CFI: variants seen among roughly 807,000 people sequenced by gnomAD.
The protein encoded by CFI is complement factor I.
In CFI, 66 loss-of-function variants were observed where a neutral mutation model predicts 78.8. The observed-to-expected ratio is 0.84, with a 90% CI of 0.69 to 1.03. CFI has a LOEUF of 1.03. Ranked by LOEUF, CFI falls within the 50% of genes least tolerant of loss-of-function variation. The probability of loss-of-function intolerance (pLI) is 0.00; values close to 1 mark genes in which losing one functional copy is unlikely to be tolerated. For missense variants in CFI, 706 were observed against 704.5 expected, an observed-to-expected ratio of 1.00 and a Z score of -0.02; for synonymous variants, 250 against 232.6, an observed-to-expected ratio of 1.07 and a Z score of -0.68.
chr4:109,739,575 C>T (rs1723589205), downstream of CFI, among the ~76,000 whole-genome samples: 1 of 152,012 alleles, frequency 6.6e-6, no homozygotes, highest in African/African-American at 2.4e-5. Flanking sequence ...GAAAGTGCAA[C>T]TGTTGAGTTT....
intron 1 of CFI, among the ~76,000 whole-genome samples, chr4:109,784,168 C>T (rs181468697): frequency 2.2e-4 from 34 of 151,604 alleles, no homozygotes; most frequent in African/African-American, 7.7e-4. Context: ...CCACCTGTAC[C>T]CTAATAACTA....
At chr4:109,757,712 T>A in intron 7 of CFI, 51 bp downstream of exon 7, 2 of 1,182,254 alleles carry the variant, frequency 1.7e-6, no homozygotes, top group Non-Finnish European at 2.5e-6. Flanking sequence ...CCAAAGAACC[T>A]GAGTTTTGTT....
chr4:109,754,234 G>T (rs1725826471), intron 7 of CFI, among the ~76,000 whole-genome samples: 1 of 151,092 alleles, frequency 6.6e-6, no homozygotes. Flanking sequence ...CACCCGCCTT[G>T]GCCTCCCAAA....
downstream of CFI, among the ~76,000 whole-genome samples, chr4:109,739,972 G>T (rs1412519941): frequency 6.6e-6 from 1 of 152,144 alleles, no homozygotes; most frequent in Non-Finnish European, 1.5e-5. Flanking sequence ...GGGGAGCAAA[G>T]GCTAATTTTT....
chr4:109,780,527 G>C (rs912095084), intron 1 of CFI, among the ~76,000 whole-genome samples: 1 of 152,136 alleles, frequency 6.6e-6, no homozygotes, highest in African/African-American at 2.4e-5. Flanking sequence ...GGAGAAATAG[G>C]AACGCTTTTA....
At chr4:109,748,726 T>C (rs1724775321) in intron 10 of CFI, among the ~76,000 whole-genome samples, 1 of 152,104 alleles carries the variant, frequency 6.6e-6, no homozygotes, top group African/African-American at 2.4e-5. Context: ...CAAGATGAGA[T>C]TGGCAAAGGT....
At chr4:109,741,164 C>T in intron 12 of CFI, 54 bp from the exon 13 acceptor site, 1 of 1,611,762 alleles carries the variant, frequency 6.2e-7, no homozygotes, top group African/African-American at 1.3e-5. Context: ...TTTTTCAAGG[C>T]TGCCATGCCT....
At chr4:109,763,010 T>C (rs912647851) in intron 3 of CFI, among the ~76,000 whole-genome samples, 2 of 152,086 alleles carry the variant, frequency 1.3e-5, no homozygotes, top group South Asian at 2.1e-4. Flanking sequence ...AATTTAACAA[T>C]ATAAGAGACT....
chr4:109,743,800 C>T (rs575607074), intron 11 of CFI, among the ~76,000 whole-genome samples: 2 of 152,142 alleles, frequency 1.3e-5, no homozygotes, highest in African/African-American at 4.8e-5. Context: ...GAGTTTGAGA[C>T]CATCCTGGGC....
At chr4:109,758,001 T>G in intron 6 of CFI, 1 of 1,373,276 alleles carries the variant, frequency 7.3e-7, no homozygotes, top group Non-Finnish European at 9.6e-7. Flanking sequence ...AAAGAGATCA[T>G]TTTGATTTGA....
intron 7 of CFI, among the ~76,000 whole-genome samples, chr4:109,752,866 A>G (rs1251212453): frequency 1.5e-5 from 2 of 133,428 alleles, no homozygotes; most frequent in Non-Finnish European, 3.1e-5. Flanking sequence ...TGTTTTGTAT[A>G]TATATATAAA....
In CFI at chr4:109,758,095, T is replaced by C. The variant is rs563222416; in HGVS notation, c.884-312A>G. ...TACTAAAATGCAAAGGCAGAGCTCA[T>C]CCCTAAATAAGAGTAAACTGAAGTA... On this transcript the variant is annotated intron_variant, in intron 6 of 12. Coordinates refer to ENST00000394634, the MANE Select transcript of CFI (RefSeq NM_000204.5). The C allele has an allele frequency of 5.3e-6, 3 of 564,180 alleles. No individual in the cohort carries two copies. The South Asian group carries it at 1.0e-4, about 19-fold the overall frequency. The allele number at this position is 564,180 out of a possible 1,614,324, so 34.9% of individuals were successfully genotyped here. A position where few individuals can be genotyped will look rare whatever the true frequency, so the allele number is the denominator to read the frequency against.
At chr4:109,774,761 G>A (rs1729012550) in intron 1 of CFI, among the ~76,000 whole-genome samples, 1 of 152,144 alleles carries the variant, frequency 6.6e-6, no homozygotes, top group Non-Finnish European at 1.5e-5. Flanking sequence ...ATTGCAGATG[G>A]CACAAAAGCA....
At chr4:109,800,314 C>T (rs1338930294) in intron 1 of CFI, among the ~76,000 whole-genome samples, 2 of 133,020 alleles carry the variant, frequency 1.5e-5, no homozygotes, top group African/African-American at 2.9e-5. Context: ...AAATATTTGG[C>T]TTCTCTGTTT....
chr4:109,737,417 T>G (rs1463134502), downstream of CFI, among the ~76,000 whole-genome samples: 1 of 152,178 alleles, frequency 6.6e-6, no homozygotes, highest in Non-Finnish European at 1.5e-5. Flanking sequence ...CTTTAATATG[T>G]CAGGCTGGTT....
chr4:109,780,126 A>T (rs1043833522), intron 1 of CFI, among the ~76,000 whole-genome samples: 1 of 152,338 alleles, frequency 6.6e-6, no homozygotes, highest in East Asian at 1.9e-4. Flanking sequence ...CAATGGCAAC[A>T]AAAGCCAAAA....
At chr4:109,741,956 G>A (rs1723852714) in intron 12 of CFI, 1 of 161,490 alleles carries the variant, frequency 6.2e-6, no homozygotes, top group Non-Finnish European at 1.4e-5. Flanking sequence ...AGGAGTCCGT[G>A]GCGTAAGAAA....
intron 7 of CFI, among the ~76,000 whole-genome samples, chr4:109,753,551 TTATATAAATAAATATTTATAA>T (rs1267357121): frequency 1.2e-4 from 2 of 16,322 alleles, no homozygotes; most frequent in Non-Finnish European, 1.3e-4. Flanking sequence ...AATATATTTA[TTATATAAATAAATATTTATAA>T]TATATATTTA....
downstream of CFI, among the ~76,000 whole-genome samples, chr4:109,739,509 C>T (rs1477534523): frequency 6.6e-6 from 1 of 152,068 alleles, no homozygotes; most frequent in African/African-American, 2.4e-5. Context: ...CAGAGGGAGA[C>T]TGGGCACCTA....
Sources: allele counts gnomAD v4.1 joint callset (sites outside exome capture counted in the v4.1 genomes callset), GRCh38; gene constraint gnomAD v4.1.1; transcripts MANE v1.5; gene names NCBI Gene and HGNC (gene_info 2026-07-23, HGNC 2026-07-21).